LPA: variants seen among roughly 807,000 people sequenced by gnomAD.
The protein encoded by LPA is lipoprotein(a).
Under a neutral mutation model 197.9 loss-of-function variants are expected in LPA, and 199 were observed. That is an observed-to-expected ratio of 1.01 (90% confidence interval 0.90 to 1.13). The LOEUF (loss-of-function observed/expected upper bound fraction) is 1.13. Among genes scored for constraint, LPA ranks in the 50% most tolerant of loss-of-function variants. LPA has a pLI of 0.00. For missense variants in LPA, 1,853 were observed against 1,785.8 expected, an observed-to-expected ratio of 1.04 and a Z score of -0.68; for synonymous variants, 715 against 639.5, an observed-to-expected ratio of 1.12 and a Z score of -1.78.
In LPA at chr6:160,605,098, A is replaced by T; in HGVS notation, c.2893T>A (p.Ser965Thr). The T allele has an allele frequency of 6.2e-7, 1 of 1,613,880 alleles. No individual in the cohort carries two copies. Among genetic ancestry groups the T allele is most frequent in the South Asian group, 1.1e-5 (1 of 91,078 alleles). The change falls in exon 18 of 39, where the codon TCA becomes ACA. Residue 965 changes from serine to threonine, a missense_variant. Around this residue, in one of 3 missense-constraint regions of LPA, gnomAD observed 1,737 missense variants for 1,504.4 expected, o/e 1.15. Transcript: ENST00000316300. ...CTATGCGAGTGTGGTGTCATAGATG[A>T]CCAAGCTTGGCAGGTTCTTCCTGTG... The part of the protein sequence containing the change: ...TVTGRTCQAW[S>T]SMTPHSHSRT...
rs1471195792 is a variant in LPA at position 160,577,304 on chromosome 6, A to G, written c.4472-9T>C. 1 of 1,613,128 alleles carries G rather than the reference A, an allele frequency of 6.2e-7. No homozygotes were observed. The highest frequency in any genetic ancestry group is 1.3e-5 in the African/African-American group (1 of 75,006). ...GCTTTTCTCAGGTGGTGCTGAAATT[A>G]AAATAAAATAAATCATACTCAGTAA... On this transcript the variant is annotated splice_polypyrimidine_tract_variant and intron_variant, in intron 27 of 38. Coordinates refer to ENST00000316300, the MANE Select transcript of LPA (RefSeq NM_005577.4).
intron 30 of LPA, among the ~76,000 whole-genome samples, chr6:160,555,804 C>G (rs1778253191): frequency 6.6e-6 from 1 of 152,020 alleles, no homozygotes; most frequent in South Asian, 2.1e-4. Context: ...CTCATCAGCT[C>G]CATGTAGCCT....
Position 160,586,553 on chromosome 6 carries a change from C to A in LPA, c.4025G>T (p.Arg1342Ile). 6.2e-7 allele frequency: 1 copy of A among 1,613,826 alleles called. No homozygotes were observed. Among genetic ancestry groups the A allele is most frequent in the Non-Finnish European group, 8.5e-7 (1 of 1,179,820 alleles). ...PWCYTMDPSV[R>I]WEYCNLTQCP... ...TTGCGTCAGGTTGCAGTACTCCCATCTGACACTGGGATCCATGGTATAACA... is the reference window on the plus strand; with the variant it reads ...TTGCGTCAGGTTGCAGTACTCCCATATGACACTGGGATCCATGGTATAACA... Residue 1342 changes from arginine (R) to isoleucine (I), a missense_variant, in exon 25 of 39, where the codon AGA (arginine) becomes ATA (isoleucine). By Grantham distance (97) the Arg-to-Ile change is moderately conservative (BLOSUM62 -3). Transcript: ENST00000316300.
At chr6:160,647,672 C>G (rs950979919) in intron 2 of LPA, among the ~76,000 whole-genome samples, 8 of 152,168 alleles carry the variant, frequency 5.3e-5, no homozygotes, top group Non-Finnish European at 8.8e-5. Context: ...TGAACCCACA[C>G]ATTAACCTTT....
intron 26 of LPA, among the ~76,000 whole-genome samples, chr6:160,582,858 G>A (rs1778826887): frequency 6.6e-6 from 1 of 151,964 alleles, no homozygotes; most frequent in Non-Finnish European, 1.5e-5. Flanking sequence ...TTTCATAGAT[G>A]TCCTTGAGGC....
intron 26 of LPA, among the ~76,000 whole-genome samples, chr6:160,584,410 C>A (rs1327196249): frequency 6.7e-6 from 1 of 149,682 alleles, no homozygotes; most frequent in East Asian, 2.0e-4. Flanking sequence ...CGGCTCACAG[C>A]AAACTCTGAA....
chr6:160,584,384 T>G (rs1778867057), intron 26 of LPA, among the ~76,000 whole-genome samples: 1 of 148,342 alleles, frequency 6.7e-6, no homozygotes, highest in Non-Finnish European at 1.5e-5. Flanking sequence ...CAGGCTGGAG[T>G]GCAGTGGCAT....
chr6:160,593,258 C>T (rs1378044182), intron 22 of LPA, among the ~76,000 whole-genome samples: 6 of 152,116 alleles, frequency 3.9e-5, no homozygotes, highest in Admixed American at 1.3e-4. Context: ...TCCTTTGATT[C>T]CCTTTCTGAA....
chr6:160,547,966 T>A (rs772576099), intron 31 of LPA, 29 bp from the exon 32 acceptor site: 8 of 1,612,688 alleles, frequency 5.0e-6, no homozygotes, highest in East Asian at 2.2e-5. Flanking sequence ...ATAAAACAGA[T>A]GATTACAGAC....
chr6:160,570,594 C>A (rs1778545661), intron 28 of LPA, among the ~76,000 whole-genome samples: 1 of 152,112 alleles, frequency 6.6e-6, no homozygotes, highest in African/African-American at 2.4e-5. Flanking sequence ...TGTAACAAAC[C>A]TGCACCTTGT....
intron 30 of LPA, among the ~76,000 whole-genome samples, chr6:160,549,040 G>C (rs543754950): frequency 6.6e-6 from 1 of 152,118 alleles, no homozygotes; most frequent in South Asian, 2.1e-4. Context: ...GGAGAAACAG[G>C]CACCTTCTTC....
chr6:160,589,067 A>G (rs1164095533), intron 24 of LPA, among the ~76,000 whole-genome samples: 1 of 152,150 alleles, frequency 6.6e-6, no homozygotes, highest in African/African-American at 2.4e-5. Context: ...CTTTTCAGAC[A>G]CCTTGTTCTC....
At chr6:160,635,508 T>A (rs1304017612) in intron 6 of LPA, among the ~76,000 whole-genome samples, 2 of 113,820 alleles carry the variant, frequency 1.8e-5, no homozygotes, top group Non-Finnish European at 3.7e-5. Context: ...AGATTATTAC[T>A]ATTTTTTTTA....
At chr6:160,609,160 C>G (rs1168625143) in intron 16 of LPA, among the ~76,000 whole-genome samples, 8 of 151,924 alleles carry the variant, frequency 5.3e-5, no homozygotes, top group Non-Finnish European at 1.2e-4. Flanking sequence ...CTTCTTATAC[C>G]TAATTCTTTC....
chr6:160,582,768 C>T (rs1450452255), intron 26 of LPA, among the ~76,000 whole-genome samples: 1 of 152,108 alleles, frequency 6.6e-6, no homozygotes. Context: ...GCCATCACTG[C>T]TTCAAGTATT....
intron 1 of LPA, among the ~76,000 whole-genome samples, chr6:160,653,249 C>T (rs1262198768): frequency 1.3e-5 from 2 of 151,988 alleles, no homozygotes; most frequent in Non-Finnish European, 1.5e-5. Flanking sequence ...AATACACATG[C>T]CTAACAACAG....
rs1383075715 is a variant in LPA at position 160,578,634 on chromosome 6, T to C, written c.4360A>G (p.Ser1454Gly). ...IRPWCYTMDP[S>G]VRWEYCNLTR... Reference sequence around the variant, plus strand: ...AGGTTGCAGTACTCCCACCTGACACTGGGATCCATGGTGTAACACCAAGGG... The same window carrying C: ...AGGTTGCAGTACTCCCACCTGACACCGGGATCCATGGTGTAACACCAAGGG... The change falls in exon 27 of 39, where the codon AGT (serine) becomes GGT (glycine). Residue 1454 changes from serine to glycine, a missense_variant. Ser to Gly is a moderately conservative substitution (Grantham distance 56). Around this residue, in one of 3 missense-constraint regions of LPA, gnomAD observed 1,737 missense variants for 1,504.4 expected, o/e 1.15. Transcript: ENST00000316300. 6.2e-7 allele frequency: 1 copy of C among 1,613,968 alleles called. No homozygotes were observed. The highest frequency in any genetic ancestry group is 1.7e-5 in the Admixed American group (1 of 60,008).
In LPA at chr6:160,576,373, T is replaced by C. The variant is rs867773289; in HGVS notation, c.4631+763A>G. On this transcript the variant is annotated intron_variant, in intron 28 of 38. Transcript: ENST00000316300. ...ATATATATATATATATATACATATA[T>C]ATATATATATATATATGTATATATA... Among the ~76,000 whole-genome samples the C allele has an allele frequency of 7.3e-4, 33 of 45,302 alleles. 1 individual carries two copies. The East Asian group carries it at 0.016, about 22-fold the overall frequency. 29.7% of individuals were successfully genotyped at this position (45,302 alleles called of 152,430 possible).
At chr6:160,586,716 G>T in intron 24 of LPA, 86 bp from the exon 25 acceptor site, 2 of 1,580,240 alleles carry the variant, frequency 1.3e-6, no homozygotes, top group Non-Finnish European at 8.7e-7. Context: ...TTGTAACAAA[G>T]TGTAAACAAG....
Sources: gnomAD v4.1 joint callset for allele counts (sites outside exome capture counted in the v4.1 genomes callset) on GRCh38, gnomAD v4.1.1 for gene constraint, gnomAD v4.1.1 regional missense constraint, MANE v1.5 for transcripts, NCBI Gene and HGNC (gene_info 2026-07-23, HGNC 2026-07-21) for gene names.